The following PTPRU variants were observed in gnomAD, a reference collection of about 807,000 sequenced individuals.
The protein encoded by PTPRU is receptor-type tyrosine-protein phosphatase U.
PTPRU carries 69 observed loss-of-function variants against 166.3 expected under a neutral mutation model. The ratio of observed to expected loss-of-function variants is 0.41; its 90% CI spans 0.34 to 0.51. The LOEUF (loss-of-function observed/expected upper bound fraction) is 0.51. Ranked by LOEUF, PTPRU falls within the 20% of genes least tolerant of loss-of-function variation. The pLI is 0.09. For synonymous variants in PTPRU, 793 were observed against 814.0 expected (o/e 0.97, Z 0.44); for missense variants, 1,657 against 2,013.7 (o/e 0.82, Z 3.39).
rs749473209 is a variant in PTPRU at position 29,260,723 on chromosome 1, A to G, written c.964A>G (p.Ile322Val). The stretch of plus-strand genomic sequence containing the variant: ...CGACGGGCCGATCGTGCGCAAGGAG[A>G]TTGAGTACCGCATGGCGCGCGGGCC... ...IGDGPIVRKEIEYRMARGPWA... is the reference protein window; with the variant it reads ...IGDGPIVRKEVEYRMARGPWA... The change falls in exon 7 of 30, where the codon ATT (isoleucine) becomes GTT (valine). Residue 322 changes from isoleucine (I) to valine (V), a missense_variant. Coordinates refer to ENST00000373779, the MANE Select transcript of PTPRU (RefSeq NM_133178.4). The surrounding 1 kb of genome is among the most constrained non-coding windows in gnomAD (Gnocchi z 8.3). 1.9e-6 allele frequency: 3 copies of G among 1,606,816 alleles called. No individual in the cohort carries two copies. The highest frequency in any genetic ancestry group is 2.5e-6 in the Non-Finnish European group (3 of 1,176,606).
At chr1:29,318,898 A>G (rs902018098) in intron 25 of PTPRU, among the ~76,000 whole-genome samples, 10 of 152,220 alleles carry the variant, frequency 6.6e-5, no homozygotes, top group African/African-American at 2.2e-4. Context: ...GAAATGAGGG[A>G]TGCCGATGGG....
At chr1:29,302,155 G>A (rs1687164863) in intron 15 of PTPRU, among the ~76,000 whole-genome samples, 1 of 134,762 alleles carries the variant, frequency 7.4e-6, no homozygotes, top group African/African-American at 3.0e-5. Context: ...ATGTGTATGT[G>A]TGTGTGTGTG....
rs953893143 is a variant in PTPRU, at chr1:29,320,294, G to A, written c.3688-391G>A. The A allele has an allele frequency of 3.5e-5, 6 of 172,870 alleles. No individual in the cohort carries two copies. Among genetic ancestry groups the A allele is most frequent in the Non-Finnish European group, 1.2e-5 (1 of 82,246 alleles). 10.7% of individuals were successfully genotyped at this position (172,870 alleles called of 1,614,324 possible). A position where few individuals can be genotyped will look rare whatever the true frequency, so the allele number is the denominator to read the frequency against. ...GGTGATAAGTAAAGACCAGAAGGAA[G>A]TGAGGGAGACAGCCATATAGACATT... On this transcript the variant is annotated intron_variant, in intron 25 of 29. Transcript: ENST00000373779. This position sits in a 1 kb window ranked among gnomAD's most constrained non-coding sequence, Gnocchi z 5.2.
At chr1:29,244,207 T>C (rs953712468) in intron 1 of PTPRU, among the ~76,000 whole-genome samples, 2 of 151,856 alleles carry the variant, frequency 1.3e-5, no homozygotes, top group African/African-American at 4.8e-5. Flanking sequence ...GCTCCCAGAC[T>C]AGTGGAAAAA....
Position 29,280,460 on chromosome 1 carries a change from A to T in PTPRU, c.1868+319A>T, listed in dbSNP as rs1196637879. ...GGAGAAGTGAAACTCTGGGGGCCTT[A>T]TATCATCCCAGCCTTTTCCTGGAAG... On this transcript the variant is annotated intron_variant, in intron 11 of 29. Coordinates refer to ENST00000373779, the MANE Select transcript of PTPRU (RefSeq NM_133178.4). This position sits in a 1 kb window ranked among gnomAD's most constrained non-coding sequence, Gnocchi z 4.2. 6.6e-6 allele frequency among the ~76,000 whole-genome samples: 1 copy of T among 152,112 alleles called. No individual in the cohort carries two copies. Among genetic ancestry groups the T allele is most frequent in the Admixed American group, 6.5e-5 (1 of 15,284 alleles).
At chr1:29,258,436 C>A in intron 2 of PTPRU, 69 bp from the exon 3 acceptor site, 1 of 1,533,480 alleles carries the variant, frequency 6.5e-7, no homozygotes, top group Non-Finnish European at 8.8e-7. Flanking sequence ...CCTCAGTGCT[C>A]CCCTTGCCCT....
In PTPRU at chr1:29,315,530, C is replaced by T; in HGVS notation, c.3363+23C>T. The stretch of plus-strand genomic sequence containing the variant: ...GAGGTGCGGGGACCTGGCCCTGTCC[C>T]CACCATTATTACTTCTAGGACTGGA... On this transcript the variant is annotated intron_variant, in intron 23 of 29. Coordinates refer to ENST00000373779, the MANE Select transcript of PTPRU (RefSeq NM_133178.4). The surrounding 1 kb of genome is among the most constrained non-coding windows in gnomAD (Gnocchi z 4.5). 4 of 1,613,906 alleles carry T rather than the reference C, an allele frequency of 2.5e-6. No individual in the cohort carries two copies. In the East Asian group the frequency reaches 6.7e-5, roughly 27 times the overall value.
At chr1:29,247,515 G>A (rs547337951) in intron 1 of PTPRU, among the ~76,000 whole-genome samples, 3 of 152,330 alleles carry the variant, frequency 2.0e-5, no homozygotes, top group Non-Finnish European at 2.9e-5. Flanking sequence ...AGTACAGATC[G>A]TCACACTGCT....
At chr1:29,248,419 A>G (rs965340508) in intron 1 of PTPRU, among the ~76,000 whole-genome samples, 1 of 151,998 alleles carries the variant, frequency 6.6e-6, no homozygotes, top group African/African-American at 2.4e-5. Context: ...ATAGTCCAGT[A>G]TTGTTGTTGG....
chr1:29,258,419 G>T, intron 2 of PTPRU, 86 bp from the exon 3 acceptor site: 1 of 1,451,916 alleles, frequency 6.9e-7, no homozygotes, highest in South Asian at 1.3e-5. Context: ...CCGTTGCCTG[G>T]AGTCCTCCTC....
chr1:29,305,502 A>G (rs914525946), intron 18 of PTPRU, 74 bp downstream of exon 18: 155 of 1,452,890 alleles, frequency 1.1e-4, no homozygotes, highest in Non-Finnish European at 1.4e-4. Context: ...GCAGGGCAGA[A>G]ACCTGTCGGG....
chr1:29,325,540 CCCA>C, intron 29 of PTPRU, 56 bp from the exon 30 acceptor site: 1 of 1,556,112 alleles, frequency 6.4e-7, no homozygotes, highest in Non-Finnish European at 8.9e-7. Flanking sequence ...TTCCCCTCCC[CCCA>C]CAATACTGGA....
At position 29,320,701 on chromosome 1, in the gene PTPRU, C is replaced by A; in HGVS notation, c.3704C>A (p.Ala1235Glu). 2 of 1,596,934 alleles carry A rather than the reference C, an allele frequency of 1.3e-6. No homozygotes were observed. The highest frequency in any genetic ancestry group is 1.1e-5 in the South Asian group (1 of 89,788). The change falls in exon 26 of 30, where the codon GCG (alanine) becomes GAG (glutamate). Residue 1235 changes from alanine (A) to glutamate (E), a missense_variant. Coordinates refer to ENST00000373779, the MANE Select transcript of PTPRU (RefSeq NM_133178.4). The surrounding 1 kb of genome is among the most constrained non-coding windows in gnomAD (Gnocchi z 5.2). ...AALTDSYTRS[A>E]AFIVTLHPLQ... The stretch of plus-strand genomic sequence containing the variant: ...TCCCTGCAGAGCTACACACGGAGTG[C>A]GGCCTTCATCGTGACCCTGCACCCG...
In PTPRU at chr1:29,325,215, C is replaced by T. The variant is rs765424070; in HGVS notation, c.4137C>T (p.Thr1379=). 4.2e-5 allele frequency: 67 copies of T among 1,614,106 alleles called. No homozygotes were observed. Among genetic ancestry groups the T allele is most frequent in the Admixed American group, 1.0e-4 (6 of 60,004 alleles). Residue 1379 remains threonine (T), a synonymous_variant, in exon 29 of 30, where the codon ACC becomes ACT. Coordinates refer to ENST00000373779, the MANE Select transcript of PTPRU (RefSeq NM_133178.4). The part of the protein sequence containing the change: ...HCLNGGGRSG[T]FCACATVLEM... ...GAAACGGGGGAGGACGCAGCGGCACCTTCTGCGCCTGCGCCACGGTCCTGG... is the reference window on the plus strand; with the variant it reads ...GAAACGGGGGAGGACGCAGCGGCACTTTCTGCGCCTGCGCCACGGTCCTGG...
intron 1 of PTPRU, among the ~76,000 whole-genome samples, chr1:29,239,830 C>G (rs1683960497): frequency 6.6e-6 from 1 of 152,134 alleles, no homozygotes; most frequent in Admixed American, 6.6e-5. Flanking sequence ...CCTCCTCCTT[C>G]CCTCTTTCCC....
At chr1:29,273,769 A>G (rs1296910126) in intron 7 of PTPRU, among the ~76,000 whole-genome samples, 1 of 152,116 alleles carries the variant, frequency 6.6e-6, no homozygotes, top group Non-Finnish European at 1.5e-5. Context: ...ACCGTAAAAC[A>G]TAACATGCAC....
At chr1:29,275,421 C>A in intron 7 of PTPRU, 27 bp from the exon 8 acceptor site, 1 of 1,575,830 alleles carries the variant, frequency 6.3e-7, no homozygotes, top group Non-Finnish European at 8.7e-7. Flanking sequence ...CTTCTAACTT[C>A]TTCTCTCTGC....
At chr1:29,300,514 C>T (rs765981391) in intron 15 of PTPRU, among the ~76,000 whole-genome samples, 38 of 152,142 alleles carry the variant, frequency 2.5e-4, no homozygotes, top group Non-Finnish European at 5.0e-4. Context: ...TGCATACCTA[C>T]GATTTTCTGA....
intron 15 of PTPRU, among the ~76,000 whole-genome samples, chr1:29,297,077 A>C (rs9426414): frequency 7.3e-6 from 1 of 136,474 alleles, no homozygotes; most frequent in African/African-American, 2.8e-5. Context: ...TTTTTGAAAC[A>C]GGGTCTCACT....
Sources: gnomAD v4.1 joint callset for allele counts (sites outside exome capture counted in the v4.1 genomes callset) on GRCh38, gnomAD v4.1.1 for gene constraint, Gnocchi (gnomAD v3.1) non-coding constraint, MANE v1.5 for transcripts, NCBI Gene and HGNC (gene_info 2026-07-23, HGNC 2026-07-21) for gene names.